CGNL1: variants seen among roughly 807,000 people sequenced by gnomAD.
CGNL1 encodes cingulin like 1, also known as cingulin-like protein 1.
Under a neutral mutation model 141.2 loss-of-function variants are expected in CGNL1, and 132 were observed. The observed-to-expected ratio is 0.93, with a 90% CI of 0.81 to 1.08. The LOEUF (loss-of-function observed/expected upper bound fraction) is 1.08, where lower values mean the gene tolerates loss of function less well. CGNL1 is among the 50% of genes least tolerant of loss of function. The pLI, the probability that CGNL1 is intolerant of heterozygous loss-of-function variation, is 0.00. For synonymous variants in CGNL1, 690 were observed against 622.1 expected (o/e 1.11, Z -1.63); for missense variants, 1,870 against 1,588.6 (o/e 1.18, Z -3.01).
At chr15:57,422,884 T>C (rs534155161) in intron 1 of CGNL1, among the ~76,000 whole-genome samples, 55 of 152,168 alleles carry the variant, frequency 3.6e-4, no homozygotes, top group African/African-American at 1.2e-3. Context: ...ACTAGGAAGT[T>C]TGAAAGTGAC....
intron 1 of CGNL1, among the ~76,000 whole-genome samples, chr15:57,378,508 A>G (rs1169831147): frequency 6.6e-6 from 1 of 150,558 alleles, no homozygotes; most frequent in Non-Finnish European, 1.5e-5. Context: ...CAGCCTCCCA[A>G]GTAGCTGGGA....
intron 8 of CGNL1, among the ~76,000 whole-genome samples, chr15:57,463,826 C>T (rs763697513): frequency 2.0e-5 from 3 of 152,162 alleles, no homozygotes; most frequent in Non-Finnish European, 2.9e-5. Context: ...TCCTGCTTTG[C>T]CATCTGAACA....
chr15:57,528,617 C>G, intron 12 of CGNL1, 37 bp from the exon 13 acceptor site: 1 of 1,609,054 alleles, frequency 6.2e-7, no homozygotes, highest in Non-Finnish European at 8.5e-7. Context: ...GCTCTTGATG[C>G]ACCCCAGAAA....
intron 8 of CGNL1, among the ~76,000 whole-genome samples, chr15:57,498,892 G>A (rs1483223650): frequency 1.3e-5 from 2 of 151,860 alleles, no homozygotes; most frequent in African/African-American, 2.4e-5. Flanking sequence ...AGTGTGGTGT[G>A]AGATGGGGCT....
chr15:57,463,680 G>T (rs1301292137), intron 8 of CGNL1, among the ~76,000 whole-genome samples: 1 of 152,214 alleles, frequency 6.6e-6, no homozygotes, highest in Non-Finnish European at 1.5e-5. Context: ...TAACTTGCTT[G>T]ACTCCCCATT....
intron 12 of CGNL1, among the ~76,000 whole-genome samples, chr15:57,526,180 CA>C (rs112871468): frequency 7.8e-4 from 111 of 141,548 alleles, no homozygotes; most frequent in Middle Eastern, 3.6e-3. Context: ...CCTTCCAAAA[CA>C]AAAAAAAAAA....
At chr15:57,499,238 CTT>C (rs201081475) in intron 8 of CGNL1, among the ~76,000 whole-genome samples, 9,374 of 90,818 alleles carry the variant, frequency 0.1, 187 homozygotes, top group Admixed American at 0.13. Context: ...AAGTTAATGG[CTT>C]TTTTTTTTTT....
At chr15:57,534,387 C>A (rs1595807175) in intron 14 of CGNL1, among the ~76,000 whole-genome samples, 2 of 152,360 alleles carry the variant, frequency 1.3e-5, no homozygotes, top group South Asian at 4.1e-4. Context: ...CTGAGAGCTT[C>A]TCTTCTGGCC....
At chr15:57,421,953 G>T (rs1445653022) in intron 1 of CGNL1, among the ~76,000 whole-genome samples, 1 of 151,986 alleles carries the variant, frequency 6.6e-6, no homozygotes, top group Admixed American at 6.5e-5. Context: ...CTCCCCTTTC[G>T]TTATTCAGTG....
At chr15:57,521,884 G>C (rs1254424592) in intron 10 of CGNL1, among the ~76,000 whole-genome samples, 5 of 152,120 alleles carry the variant, frequency 3.3e-5, no homozygotes, top group African/African-American at 1.2e-4. Flanking sequence ...GGATCCTGAA[G>C]GTTCTACAGG....
chr15:57,390,288 G>C (rs531780841), intron 1 of CGNL1, among the ~76,000 whole-genome samples: 1 of 152,314 alleles, frequency 6.6e-6, no homozygotes, highest in African/African-American at 2.4e-5. Flanking sequence ...CAGGCTGCAG[G>C]GGCAACAAAT....
chr15:57,531,373 G>A (rs1273197349), intron 13 of CGNL1, among the ~76,000 whole-genome samples: 1 of 151,928 alleles, frequency 6.6e-6, no homozygotes, highest in East Asian at 1.9e-4. Flanking sequence ...TGATTCACAG[G>A]GAGAAACAGA....
At chr15:57,511,365 G>C (rs768943047) in intron 8 of CGNL1, among the ~76,000 whole-genome samples, 2 of 152,124 alleles carry the variant, frequency 1.3e-5, no homozygotes, top group Non-Finnish European at 2.9e-5. Context: ...TTGACCTGAT[G>C]TAATTTATTT....
At chr15:57,516,063 G>C (rs946316016) in intron 8 of CGNL1, among the ~76,000 whole-genome samples, 1 of 149,176 alleles carries the variant, frequency 6.7e-6, no homozygotes, top group Non-Finnish European at 1.5e-5. Flanking sequence ...GGAGGCTGAA[G>C]CAGGAGAATG....
At chr15:57,517,088 G>A (rs1329980289) in intron 9 of CGNL1, 102 bp downstream of exon 9, 4 of 1,141,392 alleles carry the variant, frequency 3.5e-6, no homozygotes, top group Admixed American at 4.4e-5. Flanking sequence ...TCATGATGTA[G>A]TAGGAAAGGT....
In CGNL1 at chr15:57,452,283, TG is replaced by T; in HGVS notation, c.2050del (p.Glu684ArgfsTer6). 6.2e-7 allele frequency: 1 copy of T among 1,613,544 alleles called. No individual in the cohort carries two copies. The highest frequency in any genetic ancestry group is 1.1e-5 in the South Asian group (1 of 90,952). On this transcript the variant is annotated frameshift_variant, in exon 6 of 19. Coordinates refer to ENST00000281282, the MANE Select transcript of CGNL1 (RefSeq NM_032866.5). LOFTEE classifies it high-confidence loss of function. ...EESEGELRKN[L>X]EELFQVKMER... is the part of the protein sequence containing the mutation. ...AGTGAAGGGGAGCTCCGGAAGAATC[TG>T]GAGGAGTAAGTTCTGGGCTGAGAGC...
intron 8 of CGNL1, among the ~76,000 whole-genome samples, chr15:57,490,093 T>C (rs12442969): frequency 0.13 from 19,601 of 152,070 alleles, 1,897 homozygotes; most frequent in East Asian, 0.46. Flanking sequence ...CTTTTACACA[T>C]GGACAACAGT....
intron 1 of CGNL1, among the ~76,000 whole-genome samples, chr15:57,435,277 C>T (rs1177788883): frequency 6.6e-6 from 1 of 151,858 alleles, no homozygotes; most frequent in Non-Finnish European, 1.5e-5. Flanking sequence ...GGTAGGTTAG[C>T]CAAGTGAGAG....
At chr15:57,377,316 G>A (rs1488390778) in intron 1 of CGNL1, among the ~76,000 whole-genome samples, 1 of 152,146 alleles carries the variant, frequency 6.6e-6, no homozygotes, top group East Asian at 1.9e-4. Context: ...ATGCTTTTGC[G>A]GGCATTGGTT....
Sources: allele counts gnomAD v4.1 joint callset (sites outside exome capture counted in the v4.1 genomes callset), GRCh38; gene constraint gnomAD v4.1.1; transcripts MANE v1.5; gene names NCBI Gene and HGNC (gene_info 2026-07-23, HGNC 2026-07-21).